PPP1R13B: variants seen among roughly 807,000 people sequenced by gnomAD.
PPP1R13B encodes the protein protein phosphatase 1 regulatory subunit 13B.
A neutral mutation model predicts 119.8 loss-of-function variants in PPP1R13B; 44 were observed. The observed-to-expected ratio is 0.37, with a 90% confidence interval of 0.29 to 0.47. The LOEUF is 0.47. PPP1R13B is among the 20% of genes least tolerant of loss of function. The probability of loss-of-function intolerance (pLI) is 0.99; values close to 1 mark genes in which losing one functional copy is unlikely to be tolerated. For missense variants in PPP1R13B, 1,227 were observed against 1,413.5 expected, an observed-to-expected ratio of 0.87 and a Z score of 2.12; for synonymous variants, 542 against 561.5, an observed-to-expected ratio of 0.97 and a Z score of 0.49.
Position 103,736,099 on chromosome 14 carries a change from G to A in PPP1R13B, c.3135C>T (p.Ala1045=), listed in dbSNP as rs1479397670. Residue 1045 remains alanine (A), a synonymous_variant, in exon 16 of 17, where the codon GCC becomes GCT. Transcript: ENST00000202556. The part of the protein sequence containing the change: ...SDELSFHEGD[A]LTILRRKDES... Reference sequence around the variant, plus strand: ...CGTCCTTGCGCCTCAGGATGGTGAGGGCGTCCCCTTCGTGGAAGGACAGCT... The same window carrying A: ...CGTCCTTGCGCCTCAGGATGGTGAGAGCGTCCCCTTCGTGGAAGGACAGCT... 2 of 1,614,200 alleles carry A rather than the reference G, an allele frequency of 1.2e-6. No homozygotes were observed. Among genetic ancestry groups the A allele is most frequent in the East Asian group, 2.2e-5 (1 of 44,886 alleles).
intron 1 of PPP1R13B, among the ~76,000 whole-genome samples, chr14:103,835,444 T>C (rs1309453265): frequency 6.7e-6 from 1 of 150,196 alleles, no homozygotes; most frequent in Non-Finnish European, 1.5e-5. Context: ...TTTTTTTTTT[T>C]TAAAGAGACC....
At position 103,777,812 on chromosome 14, in the gene PPP1R13B, A is replaced by C. The variant is rs1478682707; in HGVS notation, c.354+933T>G. ...GGTAAAAAGCAATTAAAAAAAAAAA[A>C]AAAACAGGGTCTTACTCTGTTGACA... On this transcript the variant is annotated intron_variant, in intron 4 of 16. Transcript: ENST00000202556. Among the ~76,000 whole-genome samples, 3 of 151,760 alleles carry C rather than the reference A, an allele frequency of 2.0e-5. No individual in the cohort carries two copies. In the South Asian group the frequency reaches 6.2e-4, roughly 32 times the overall value.
chr14:103,807,426 T>C (rs1180556145), intron 1 of PPP1R13B, among the ~76,000 whole-genome samples: 3 of 152,242 alleles, frequency 2.0e-5, no homozygotes. Flanking sequence ...AATTACCTGC[T>C]GTGTCAGTAG....
At chr14:103,770,048 A>T (rs1278551739) in intron 4 of PPP1R13B, among the ~76,000 whole-genome samples, 1 of 152,080 alleles carries the variant, frequency 6.6e-6, no homozygotes, top group Admixed American at 6.6e-5. Context: ...TAGTCTATAA[A>T]TGTGAATAAC....
chr14:103,843,710 G>A (rs575186972), intron 1 of PPP1R13B, among the ~76,000 whole-genome samples: 2 of 152,140 alleles, frequency 1.3e-5, no homozygotes, highest in South Asian at 2.1e-4. Context: ...ATCCCAGCAC[G>A]TTGGGAGGCT....
At chr14:103,772,190 C>A (rs1013682605) in intron 4 of PPP1R13B, among the ~76,000 whole-genome samples, 1 of 152,154 alleles carries the variant, frequency 6.6e-6, no homozygotes, top group African/African-American at 2.4e-5. Flanking sequence ...TCTGATTGTT[C>A]AGGAATATTC....
intron 5 of PPP1R13B, among the ~76,000 whole-genome samples, chr14:103,756,485 T>C (rs542210140): frequency 6.6e-6 from 1 of 152,324 alleles, no homozygotes; most frequent in Admixed American, 6.5e-5. Flanking sequence ...ACTAAACCAT[T>C]ACTTAGAAAG....
chr14:103,848,363 T>C, upstream of PPP1R13B: 5 of 985,356 alleles, frequency 5.1e-6, no homozygotes, highest in Non-Finnish European at 6.0e-6. Context: ...TGCAGTCCCG[T>C]CTCCAGAGGC....
intron 2 of PPP1R13B, among the ~76,000 whole-genome samples, chr14:103,795,627 TAAC>T (rs2152038775): frequency 6.6e-6 from 1 of 152,088 alleles, no homozygotes; most frequent in Admixed American, 6.6e-5. Context: ...TTAGAATTGA[TAAC>T]AAGTAACAGA....
chr14:103,770,447 A>G (rs2085041558), intron 4 of PPP1R13B, among the ~76,000 whole-genome samples: 1 of 152,078 alleles, frequency 6.6e-6, no homozygotes, highest in Non-Finnish European at 1.5e-5. Flanking sequence ...CCTGGGAGGC[A>G]GAGGTTGCAG....
At chr14:103,780,850 G>T (rs2085320968) in intron 3 of PPP1R13B, among the ~76,000 whole-genome samples, 1 of 151,592 alleles carries the variant, frequency 6.6e-6, no homozygotes, top group African/African-American at 2.4e-5. Context: ...AAGAATATTA[G>T]TAAGTTGAAG....
chr14:103,833,377 C>A (rs2086702270), intron 1 of PPP1R13B, among the ~76,000 whole-genome samples: 1 of 152,102 alleles, frequency 6.6e-6, no homozygotes, highest in South Asian at 2.1e-4. Context: ...GGCGTGGTGG[C>A]TCATGCCTGT....
chr14:103,809,678 C>T (rs185526429), intron 1 of PPP1R13B, among the ~76,000 whole-genome samples: 3 of 151,860 alleles, frequency 2.0e-5, no homozygotes, highest in Non-Finnish European at 4.4e-5. Flanking sequence ...AAAAATTAGC[C>T]AGGCATGGTA....
At chr14:103,748,361 G>A (rs1397675580) in intron 8 of PPP1R13B, among the ~76,000 whole-genome samples, 1 of 152,152 alleles carries the variant, frequency 6.6e-6, no homozygotes, top group Non-Finnish European at 1.5e-5. Context: ...GAGAGACTGT[G>A]ACATCCACAG....
chr14:103,795,306 C>T (rs1366840553), intron 2 of PPP1R13B, among the ~76,000 whole-genome samples: 2 of 152,062 alleles, frequency 1.3e-5, no homozygotes, highest in African/African-American at 4.8e-5. Flanking sequence ...TTGAGATTCA[C>T]GGAAGGGATG....
chr14:103,766,036 T>C (rs1429460998), intron 4 of PPP1R13B, among the ~76,000 whole-genome samples: 1 of 146,294 alleles, frequency 6.8e-6, no homozygotes, highest in Non-Finnish European at 1.5e-5. Context: ...TGAGACGGAG[T>C]CTAGCTCTGT....
At chr14:103,747,074 C>T (rs1049294170) in intron 8 of PPP1R13B, 1 of 152,520 alleles carries the variant, frequency 6.6e-6, no homozygotes, top group Admixed American at 6.5e-5. Flanking sequence ...GGGCCCAGTT[C>T]CCTGAAGGCA....
At position 103,737,847 on chromosome 14, in the gene PPP1R13B, A is replaced by T; in HGVS notation, c.2878T>A (p.Cys960Ser). ...TGAACGCTGTTACAAGAGGCAGCGC[A>T]GTGCAGCGGCGTCCTGGAATAGAGC... ...ADSDGWTPLH[C>S]AASCNSVHLC... The change falls in exon 15 of 17, where the codon TGC (cysteine) becomes AGC (serine). Residue 960 changes from cysteine (C) to serine (S), a missense_variant. By Grantham distance (112) the Cys-to-Ser change is moderately radical. Transcript: ENST00000202556. 6.2e-7 allele frequency: 1 copy of T among 1,613,890 alleles called. No individual in the cohort carries two copies. Among genetic ancestry groups the T allele is most frequent in the Non-Finnish European group, 8.5e-7 (1 of 1,179,930 alleles).
At chr14:103,821,597 C>G (rs1175268242) in intron 1 of PPP1R13B, among the ~76,000 whole-genome samples, 2 of 151,990 alleles carry the variant, frequency 1.3e-5, no homozygotes, top group African/African-American at 4.8e-5. Flanking sequence ...ACTAAAAATA[C>G]AAAATTAGCC....
Sources: allele counts gnomAD v4.1 joint callset (sites outside exome capture counted in the v4.1 genomes callset), GRCh38; gene constraint gnomAD v4.1.1; transcripts MANE v1.5; gene names NCBI Gene and HGNC (gene_info 2026-07-23, HGNC 2026-07-21).